Variants in SNX10 observed in about 807,000 individuals in gnomAD.
The protein encoded by SNX10 is sorting nexin-10.
A neutral mutation model predicts 28.5 loss-of-function variants in SNX10; 25 were observed. The ratio of observed to expected loss-of-function variants is 0.88; its 90% CI spans 0.64 to 1.22. The LOEUF (loss-of-function observed/expected upper bound fraction) is 1.22. SNX10 is among the 50% of genes most tolerant of loss of function. The pLI, the probability that SNX10 is intolerant of heterozygous loss-of-function variation, is 0.00. For synonymous variants in SNX10, 62 were observed against 81.4 expected (o/e 0.76, Z 1.28); for missense variants, 223 against 242.6 (o/e 0.92, Z 0.54).
chr7:26,330,710 A>G (rs377086061), intron 1 of SNX10, among the ~76,000 whole-genome samples: 4 of 152,010 alleles, frequency 2.6e-5, no homozygotes, highest in East Asian at 3.9e-4. Context: ...GGTGTTTTGG[A>G]CATGAGGGTT....
At chr7:26,351,565 C>T (rs1788596245) in intron 2 of SNX10, among the ~76,000 whole-genome samples, 1 of 151,078 alleles carries the variant, frequency 6.6e-6, no homozygotes, top group Admixed American at 6.6e-5. Flanking sequence ...ACACAATGAC[C>T]AAATATAATG....
chr7:26,364,360 C>G lies in SNX10; in HGVS notation c.112-175C>G. On this transcript the variant is annotated intron_variant, in intron 3 of 6. Coordinates refer to ENST00000338523, the MANE Select transcript of SNX10 (RefSeq NM_013322.3). The surrounding 1 kb of genome is among the most constrained non-coding windows in gnomAD (Gnocchi z 4.9). ...TCCATCATCCTGGCTGTCTTCAGGGCTGTTATGTTCCTGGGTTATGTGCAA... is the reference window on the plus strand; with the variant it reads ...TCCATCATCCTGGCTGTCTTCAGGGGTGTTATGTTCCTGGGTTATGTGCAA... The G allele has an allele frequency of 7.4e-7, 1 of 1,346,060 alleles. No homozygotes were observed. The highest frequency in any genetic ancestry group is 9.5e-7 in the Non-Finnish European group (1 of 1,049,646). 83.4% of individuals were successfully genotyped at this position (1,346,060 alleles called of 1,614,324 possible).
At chr7:26,358,810 T>TTG (rs1290293395) in intron 2 of SNX10, among the ~76,000 whole-genome samples, 1 of 145,346 alleles carries the variant, frequency 6.9e-6, no homozygotes, top group Non-Finnish European at 1.5e-5. Flanking sequence ...CTTGTGTTTT[T>TTG]TTTTTTTTTT....
At chr7:26,361,911 C>T (rs1789087907) in intron 3 of SNX10, among the ~76,000 whole-genome samples, 1 of 152,212 alleles carries the variant, frequency 6.6e-6, no homozygotes, top group Admixed American at 6.5e-5. Flanking sequence ...ATATCAGATG[C>T]AAACTAAATT....
intron 1 of SNX10, among the ~76,000 whole-genome samples, chr7:26,345,392 T>A (rs1367488014): frequency 2.0e-5 from 3 of 152,174 alleles, no homozygotes; most frequent in Non-Finnish European, 2.9e-5. Flanking sequence ...TGCGATCCCC[T>A]GCTCTCCCAT....
Position 26,331,801 on chromosome 7 carries a change from T to C in SNX10, c.-23-14619T>C, listed in dbSNP as rs951186312. Reference sequence around the variant, plus strand: ...CAGTAGCTACAAGCAACCAGTAGTCTATGTTCCATCTCTGTAGAAGTTTCT... The same window carrying C: ...CAGTAGCTACAAGCAACCAGTAGTCCATGTTCCATCTCTGTAGAAGTTTCT... On this transcript the variant is annotated intron_variant, in intron 1 of 6. Coordinates refer to ENST00000338523, the MANE Select transcript of SNX10 (RefSeq NM_013322.3). Among the ~76,000 whole-genome samples the C allele has an allele frequency of 3.9e-4, 58 of 150,148 alleles. 1 individual carries two copies. The highest frequency in any genetic ancestry group is 3.3e-4 in the Admixed American group (5 of 15,110).
intron 2 of SNX10, among the ~76,000 whole-genome samples, chr7:26,348,177 C>G (rs192277560): frequency 6.6e-6 from 1 of 152,272 alleles, no homozygotes; most frequent in Admixed American, 6.5e-5. Flanking sequence ...TCCAGTCAGT[C>G]CCCCTCACTT....
At chr7:26,358,147 A>T (rs1392824595) in intron 2 of SNX10, among the ~76,000 whole-genome samples, 1 of 152,208 alleles carries the variant, frequency 6.6e-6, no homozygotes, top group Non-Finnish European at 1.5e-5. Context: ...GATTGAAACA[A>T]TATGTGGAGT....
rs1789207410 is a variant in SNX10 at position 26,364,402 on chromosome 7, C to A, written c.112-133C>A. The A allele has an allele frequency of 7.2e-7, 1 of 1,395,658 alleles. No individual in the cohort carries two copies. Among genetic ancestry groups the A allele is most frequent in the Non-Finnish European group, 9.3e-7 (1 of 1,074,062 alleles). 86.5% of individuals were successfully genotyped at this position (1,395,658 alleles called of 1,614,324 possible). A position where few individuals can be genotyped will look rare whatever the true frequency, so the allele number is the denominator to read the frequency against. The stretch of plus-strand genomic sequence containing the variant: ...TATGTGCAAGATTTCAGAGTACTGG[C>A]ATAAATATAAATATATGTTTGGTGG... On this transcript the variant is annotated intron_variant, in intron 3 of 6. Coordinates refer to ENST00000338523, the MANE Select transcript of SNX10 (RefSeq NM_013322.3). The surrounding 1 kb of genome is among the most constrained non-coding windows in gnomAD (Gnocchi z 4.9).
At chr7:26,361,129 G>A in intron 3 of SNX10, 68 bp downstream of exon 3, 1 of 1,458,180 alleles carries the variant, frequency 6.9e-7, no homozygotes, top group Non-Finnish European at 9.1e-7. Flanking sequence ...ATGGGATAAA[G>A]TTGACACTTG....
intron 1 of SNX10, among the ~76,000 whole-genome samples, chr7:26,292,391 C>A (rs1357811687): frequency 6.6e-6 from 1 of 152,088 alleles, no homozygotes; most frequent in Non-Finnish European, 1.5e-5. Context: ...TTCTAGATTA[C>A]GGAAGAAGTG....
intron 3 of SNX10, among the ~76,000 whole-genome samples, chr7:26,363,613 T>C (rs1789171471): frequency 6.6e-6 from 1 of 152,168 alleles, no homozygotes; most frequent in Non-Finnish European, 1.5e-5. Flanking sequence ...AAGGAGAATA[T>C]TTACTCTCGT....
chr7:26,320,607 A>G (rs1787275073), intron 1 of SNX10, among the ~76,000 whole-genome samples: 1 of 150,782 alleles, frequency 6.6e-6, no homozygotes, highest in African/African-American at 2.4e-5. Flanking sequence ...TAATTTTTGT[A>G]TTTTTACTAG....
intron 1 of SNX10, among the ~76,000 whole-genome samples, chr7:26,330,341 A>C (rs1443856389): frequency 6.6e-6 from 1 of 152,036 alleles, no homozygotes; most frequent in Non-Finnish European, 1.5e-5. Context: ...CCTAGGTTCT[A>C]GGTACTTCTT....
intron 2 of SNX10, among the ~76,000 whole-genome samples, chr7:26,353,015 G>A (rs1218613358): frequency 6.6e-6 from 1 of 151,694 alleles, no homozygotes; most frequent in Non-Finnish European, 1.5e-5. Flanking sequence ...TTTTCCTGAT[G>A]TGTTACAAGA....
chr7:26,358,849 C>T (rs532858766), intron 2 of SNX10, among the ~76,000 whole-genome samples: 11 of 128,774 alleles, frequency 8.5e-5, no homozygotes, highest in Non-Finnish European at 1.7e-4. Context: ...GTTGTTGGCC[C>T]GGGCTGGAGT....
intron 1 of SNX10, among the ~76,000 whole-genome samples, chr7:26,311,453 A>G (rs145358132): frequency 3.3e-5 from 5 of 152,260 alleles, no homozygotes; most frequent in Non-Finnish European, 5.9e-5. Context: ...ATTTTTTTCT[A>G]TCATTGACAT....
chr7:26,345,550 G>A (rs895771371), intron 1 of SNX10, among the ~76,000 whole-genome samples: 1 of 152,150 alleles, frequency 6.6e-6, no homozygotes, highest in Non-Finnish European at 1.5e-5. Flanking sequence ...GGCCCTGGAA[G>A]CGGAGCCTGT....
rs1206368639 is a variant in SNX10 at position 26,316,455 on chromosome 7, C to T, written c.-24+24369C>T. ...GAAAGAAAGCACCTGTTCCTTAACT[C>T]TTGTGGCATTTCCACACTCATCTTC... On this transcript the variant is annotated intron_variant, in intron 1 of 6. Transcript: ENST00000338523. 2.6e-5 allele frequency among the ~76,000 whole-genome samples: 4 copies of T among 152,170 alleles called. No homozygotes were observed. The East Asian group carries it at 7.7e-4, about 29-fold the overall frequency.
Sources: gnomAD v4.1 joint callset for allele counts (sites outside exome capture counted in the v4.1 genomes callset) on GRCh38, gnomAD v4.1.1 for gene constraint, Gnocchi (gnomAD v3.1) non-coding constraint, MANE v1.5 for transcripts, NCBI Gene and HGNC (gene_info 2026-07-23, HGNC 2026-07-21) for gene names.